The following BPTF variants were observed in gnomAD, a reference collection of about 807,000 sequenced individuals.
The protein encoded by BPTF is bromodomain PHD finger transcription factor.
Under a neutral mutation model 292.5 loss-of-function variants are expected in BPTF, and 18 were observed. The observed-to-expected ratio is 0.06, with a 90% confidence interval of 0.04 to 0.09. The LOEUF (loss-of-function observed/expected upper bound fraction) is 0.09, where lower values mean the gene tolerates loss of function less well. BPTF is among the 10% of genes least tolerant of loss of function. The pLI, the probability that BPTF is intolerant of heterozygous loss-of-function variation, is 1.00. For missense variants in BPTF, 2,726 were observed against 3,498.7 expected (o/e 0.78, Z 5.57); for synonymous variants, 1,225 against 1,251.9 (o/e 0.98, Z 0.45).
intron 4 of BPTF, among the ~76,000 whole-genome samples, chr17:67,887,838 T>A (rs2060843256): frequency 6.6e-6 from 1 of 152,212 alleles, no homozygotes; most frequent in Non-Finnish European, 1.5e-5. Flanking sequence ...TATTCCCATG[T>A]GGCAGGGAAG....
chr17:67,922,889 A>G lies in BPTF; in HGVS notation c.5607A>G (p.Pro1869=). The change falls in exon 14 of 28, where the codon CCA becomes CCG. Residue 1869 remains proline (P), a synonymous_variant. Coordinates refer to ENST00000306378, the MANE Select transcript of BPTF (RefSeq NM_182641.4). The part of the protein sequence containing the change: ...RKGLRSSALR[P]KRPETPKQTG... The stretch of plus-strand genomic sequence containing the variant: ...GCCTTCGATCAAGTGCACTGCGGCC[A>G]AAGAGACCAGAAACGCCCAAGCAAA... 6.2e-7 allele frequency: 1 copy of G among 1,614,116 alleles called. No homozygotes were observed. Among genetic ancestry groups the G allele is most frequent in the South Asian group, 1.1e-5 (1 of 91,076 alleles).
chr17:67,835,860 T>C (rs913466749), intron 1 of BPTF, among the ~76,000 whole-genome samples: 1 of 152,052 alleles, frequency 6.6e-6, no homozygotes, highest in Admixed American at 6.6e-5. Flanking sequence ...AGAGATGGGG[T>C]TTCACCATGG....
intron 7 of BPTF, among the ~76,000 whole-genome samples, chr17:67,894,811 T>TA (rs1325377621): frequency 6.6e-6 from 1 of 152,356 alleles, no homozygotes; most frequent in East Asian, 1.9e-4. Flanking sequence ...CATCTGTTTT[T>TA]AAAGTTCATT....
chr17:67,926,700 C>T (rs2063935643), intron 15 of BPTF, among the ~76,000 whole-genome samples: 1 of 152,112 alleles, frequency 6.6e-6, no homozygotes, highest in South Asian at 2.1e-4. Flanking sequence ...AAGGCATATC[C>T]TCCTATAAAT....
chr17:67,843,153 T>TATATCTACATATATAGATACATATAG (rs1278542290), intron 1 of BPTF, among the ~76,000 whole-genome samples: 1 of 149,710 alleles, frequency 6.7e-6, no homozygotes, highest in Non-Finnish European at 1.5e-5. Flanking sequence ...CATATAAATA[T>TATATCTACATATATAGATACATATAG]ATATCTACAT....
At position 67,982,287 on chromosome 17, in the gene BPTF, A is replaced by G. The variant is rs782479846; in HGVS notation, c.8762A>G (p.Ter2921=). 2 of 1,610,558 alleles carry G rather than the reference A, an allele frequency of 1.2e-6. No individual in the cohort carries two copies. Among genetic ancestry groups the G allele is most frequent in the East Asian group, 4.5e-5 (2 of 44,838 alleles). ...HNNKLQSTAS[*] The stretch of plus-strand genomic sequence containing the variant: ...AACAAACTGCAGTCTACAGCTTCTT[A>G]AAGTTCAGCGTGTTAACCTAACATA... The change falls in exon 28 of 28, where the codon TAA becomes TGA. Residue 2921 remains the stop codon, a stop_retained_variant. Coordinates refer to ENST00000306378, the MANE Select transcript of BPTF (RefSeq NM_182641.4).
Position 67,983,466 on chromosome 17 carries a change from AG to A in BPTF, c.*1181del, listed in dbSNP as rs2070626158. The A allele has an allele frequency of 6.5e-6, 1 of 152,680 alleles. No individual in the cohort carries two copies. The allele number at this position is 152,680 out of a possible 1,614,324, so 9.5% of individuals were successfully genotyped here. On this transcript the variant is annotated 3_prime_UTR_variant, in exon 28 of 28. Transcript: ENST00000306378. ...ACACACAGCTACTTATATTTTATGAAGGGCATTTTTTAGATGACCTCATCCT... is the reference window on the plus strand; with the variant it reads ...ACACACAGCTACTTATATTTTATGAAGGCATTTTTTAGATGACCTCATCCT...
chr17:67,976,714 A>AAAG lies in BPTF; in HGVS notation c.8726+757_8726+758insAGA, dbSNP rs1555694156. On this transcript the variant is annotated intron_variant, in intron 27 of 27. Transcript: ENST00000306378. ...AAAAAAAAAAAAAAAAAAAAAAAAA[A>AAAG]ATAAGAATAAAAGAAGAATTTCCTG... Among the ~76,000 whole-genome samples, 14 of 116,578 alleles carry AAAG rather than the reference A, an allele frequency of 1.2e-4. 1 individual carries two copies. Among genetic ancestry groups the AAAG allele is most frequent in the South Asian group, 5.1e-4 (2 of 3,916 alleles). 76.5% of individuals were successfully genotyped at this position (116,578 alleles called of 152,430 possible).
At chr17:67,973,499 C>G (rs540458854) in intron 26 of BPTF, among the ~76,000 whole-genome samples, 1 of 151,702 alleles carries the variant, frequency 6.6e-6, no homozygotes, top group Admixed American at 6.6e-5. Context: ...TTGCCCCAAA[C>G]CCTTTTTTTG....
intron 4 of BPTF, among the ~76,000 whole-genome samples, chr17:67,878,219 T>C (rs181607184): frequency 7.9e-5 from 12 of 152,378 alleles, no homozygotes; most frequent in East Asian, 7.7e-4. Flanking sequence ...CAGATGTTGC[T>C]AGTAGTAGCA....
chr17:67,943,024 G>A (rs1341530674), intron 19 of BPTF, among the ~76,000 whole-genome samples: 3 of 152,080 alleles, frequency 2.0e-5, no homozygotes, highest in African/African-American at 7.2e-5. Context: ...GTGAACCTCA[G>A]TGGCCTTATA....
chr17:67,842,629 G>T (rs1182341424), intron 1 of BPTF, among the ~76,000 whole-genome samples: 1 of 152,072 alleles, frequency 6.6e-6, no homozygotes. Context: ...AAGATTTTTT[G>T]ATGACAAAGG....
rs2059109886 is a variant in BPTF, at chr17:67,861,967, A to G, written c.1437-4497A>G. The stretch of plus-strand genomic sequence containing the variant: ...ACTTTTTAAAACACCCATCCTACCA[A>G]TAGTTTTTTTGTTTTGTTTTGTTTT... On this transcript the variant is annotated intron_variant, in intron 2 of 27. Transcript: ENST00000306378. 3.3e-5 allele frequency among the ~76,000 whole-genome samples: 5 copies of G among 151,848 alleles called. No homozygotes were observed. In the South Asian group the frequency reaches 1.0e-3, roughly 32 times the overall value.
intron 4 of BPTF, among the ~76,000 whole-genome samples, chr17:67,880,947 TTATA>T (rs67013040): frequency 5.5e-5 from 6 of 109,860 alleles, no homozygotes; most frequent in African/African-American, 1.6e-4. Context: ...TGTATGTATA[TTATA>T]TATATATACA....
intron 7 of BPTF, among the ~76,000 whole-genome samples, chr17:67,896,670 A>G (rs1394074262): frequency 6.6e-6 from 1 of 152,262 alleles, no homozygotes; most frequent in Non-Finnish European, 1.5e-5. Context: ...CAAGGGCTAT[A>G]TGCTTGAAAG....
intron 26 of BPTF, 155 bp from the exon 27 acceptor site, chr17:67,975,617 G>A: frequency 1.8e-6 from 1 of 562,798 alleles, no homozygotes; most frequent in Non-Finnish European, 3.0e-6. Flanking sequence ...GTACTCTTTT[G>A]TTCTTTATGA....
At chr17:67,877,309 A>T (rs189634981) in intron 4 of BPTF, among the ~76,000 whole-genome samples, 1 of 152,276 alleles carries the variant, frequency 6.6e-6, no homozygotes, top group East Asian at 1.9e-4. Flanking sequence ...GCAGTTATTT[A>T]TTCAACAGCT....
chr17:67,981,547 G>A lies in BPTF; in HGVS notation c.8727-705G>A, dbSNP rs191731561. On this transcript the variant is annotated intron_variant, in intron 27 of 27. Coordinates refer to ENST00000306378, the MANE Select transcript of BPTF (RefSeq NM_182641.4). ...CTAATTCAAAATTGCCCCCCAAAAA[G>A]TCAGATTAGTTAATATAATTTTTTA... 6 of 1,090,666 alleles carry A rather than the reference G, an allele frequency of 5.5e-6. No individual in the cohort carries two copies. In the African/African-American group the frequency reaches 1.0e-4, roughly 19 times the overall value. 67.6% of individuals were successfully genotyped at this position (1,090,666 alleles called of 1,614,324 possible).
chr17:67,906,506 C>T (rs896195069), intron 9 of BPTF, among the ~76,000 whole-genome samples: 6 of 152,044 alleles, frequency 3.9e-5, no homozygotes, highest in African/African-American at 1.4e-4. Flanking sequence ...TTCAATGAGC[C>T]GATTATTTCA....
Sources: allele counts gnomAD v4.1 joint callset (sites outside exome capture counted in the v4.1 genomes callset), GRCh38; gene constraint gnomAD v4.1.1; transcripts MANE v1.5; gene names NCBI Gene and HGNC (gene_info 2026-07-23, HGNC 2026-07-21).